The following FHIT variants were observed in gnomAD, a reference collection of about 807,000 sequenced individuals.
FHIT encodes the protein bis(5'-adenosyl)-triphosphatase.
Under a neutral mutation model 17.9 loss-of-function variants are expected in FHIT, and 19 were observed. The ratio of observed to expected loss-of-function variants is 1.06; its 90% CI spans 0.74 to 1.56. FHIT has a LOEUF of 1.56. Ranked by LOEUF, FHIT falls within the 40% of genes most tolerant of loss-of-function variation. The pLI is 0.00. For missense variants in FHIT, 248 were observed against 189.2 expected, an observed-to-expected ratio of 1.31 and a Z score of -1.82; for synonymous variants, 81 against 69.7, an observed-to-expected ratio of 1.16 and a Z score of -0.81.
intron 5 of FHIT, among the ~76,000 whole-genome samples, chr3:60,259,822 G>A (rs529621084): frequency 2.6e-5 from 4 of 152,034 alleles, no homozygotes; most frequent in African/African-American, 4.8e-5. Context: ...GGAATCCAGA[G>A]TGAGGTGGAG....
At chr3:60,389,093 C>G (rs1283535422) in intron 5 of FHIT, among the ~76,000 whole-genome samples, 1 of 152,196 alleles carries the variant, frequency 6.6e-6, no homozygotes, top group African/African-American at 2.4e-5. Context: ...CTCAATTTAG[C>G]AATGCATTTG....
intron 4 of FHIT, among the ~76,000 whole-genome samples, chr3:60,688,012 T>A (rs1426724949): frequency 6.6e-6 from 1 of 152,170 alleles, no homozygotes; most frequent in African/African-American, 2.4e-5. Context: ...TCTTGTCCAT[T>A]CTATTGTTCT....
At chr3:61,149,858 A>C (rs1487537527) in intron 2 of FHIT, among the ~76,000 whole-genome samples, 1 of 152,038 alleles carries the variant, frequency 6.6e-6, no homozygotes, top group Non-Finnish European at 1.5e-5. Flanking sequence ...GCAGCCTGAG[A>C]CCCTATCTCA....
chr3:59,824,283 G>T (rs1254684576), intron 8 of FHIT, among the ~76,000 whole-genome samples: 1 of 152,098 alleles, frequency 6.6e-6, no homozygotes, highest in East Asian at 1.9e-4. Flanking sequence ...AGAAGGAAAG[G>T]GGTAAAAAAG....
At chr3:60,907,346 A>G (rs1415589810) in intron 3 of FHIT, among the ~76,000 whole-genome samples, 2 of 152,240 alleles carry the variant, frequency 1.3e-5, no homozygotes, top group Non-Finnish European at 2.9e-5. Flanking sequence ...CTGGGTCGGA[A>G]TCTTCAAAAA....
intron 5 of FHIT, among the ~76,000 whole-genome samples, chr3:60,367,575 C>T (rs910609222): frequency 2.6e-5 from 4 of 152,092 alleles, no homozygotes; most frequent in African/African-American, 9.7e-5. Context: ...ACACTTGATG[C>T]CTTTATGAAC....
At chr3:59,842,954 T>C (rs1701586455) in intron 8 of FHIT, among the ~76,000 whole-genome samples, 2 of 152,218 alleles carry the variant, frequency 1.3e-5, no homozygotes, top group African/African-American at 4.8e-5. Flanking sequence ...CCCGTGTCTC[T>C]GGTGTCATAT....
At chr3:60,520,817 A>C (rs540240238) in intron 5 of FHIT, among the ~76,000 whole-genome samples, 2 of 152,190 alleles carry the variant, frequency 1.3e-5, no homozygotes, top group South Asian at 4.2e-4. Context: ...TTAATTTAAA[A>C]CCACTATGGC....
chr3:59,817,307 C>T (rs1246831445), intron 8 of FHIT, among the ~76,000 whole-genome samples: 4 of 152,148 alleles, frequency 2.6e-5, no homozygotes. Context: ...GGCAAAAGAA[C>T]ATGCTCACAT....
chr3:60,295,499 A>G (rs1480270821), intron 5 of FHIT, among the ~76,000 whole-genome samples: 1 of 151,990 alleles, frequency 6.6e-6, no homozygotes, highest in Non-Finnish European at 1.5e-5. Flanking sequence ...TTTTTGAGCA[A>G]CCAGCTCTCA....
intron 1 of FHIT, among the ~76,000 whole-genome samples, chr3:61,228,037 A>G (rs773115418): frequency 3.9e-5 from 6 of 152,190 alleles, no homozygotes; most frequent in Non-Finnish European, 8.8e-5. Flanking sequence ...CACAATCTAC[A>G]GCTACTTTAA....
chr3:60,479,888 T>C (rs1432414008), intron 5 of FHIT, among the ~76,000 whole-genome samples: 1 of 152,210 alleles, frequency 6.6e-6, no homozygotes, highest in Non-Finnish European at 1.5e-5. Context: ...TTGTCTTCCA[T>C]GAAACCAGTC....
At chr3:59,764,343 G>A (rs12152416) in intron 8 of FHIT, among the ~76,000 whole-genome samples, 19,578 of 152,138 alleles carry the variant, frequency 0.13, 1,323 homozygotes, top group South Asian at 0.24. Flanking sequence ...TCATATGCTG[G>A]CAGATGAAAA....
At chr3:60,388,978 A>T (rs1178526900) in intron 5 of FHIT, among the ~76,000 whole-genome samples, 1 of 152,128 alleles carries the variant, frequency 6.6e-6, no homozygotes, top group Non-Finnish European at 1.5e-5. Flanking sequence ...TCCCTCCAGC[A>T]CCACCCTGCC....
chr3:60,420,668 T>C (rs940208159), intron 5 of FHIT, among the ~76,000 whole-genome samples: 6 of 152,170 alleles, frequency 3.9e-5, no homozygotes, highest in African/African-American at 1.4e-4. Flanking sequence ...TCTGGCAAAC[T>C]GCTCATTCAT....
chr3:60,501,871 C>G (rs1398991119), intron 5 of FHIT, among the ~76,000 whole-genome samples: 1 of 152,208 alleles, frequency 6.6e-6, no homozygotes, highest in African/African-American at 2.4e-5. Context: ...ATTACGCACT[C>G]AGTACTTGTA....
chr3:60,578,008 C>T (rs1411560134), intron 4 of FHIT, among the ~76,000 whole-genome samples: 1 of 152,116 alleles, frequency 6.6e-6, no homozygotes, highest in Non-Finnish European at 1.5e-5. Flanking sequence ...TGTGTAGCTC[C>T]AGCCCAGCAT....
intron 7 of FHIT, among the ~76,000 whole-genome samples, chr3:60,002,769 T>C (rs1439194723): frequency 6.6e-6 from 1 of 152,316 alleles, no homozygotes; most frequent in East Asian, 1.9e-4. Context: ...TTAATGACTT[T>C]GGCATAAAGG....
At position 59,986,738 on chromosome 3, in the gene FHIT, A is replaced by AAATATATT. The variant is rs1708964289; in HGVS notation, c.279+24632_279+24633insAATATATT. On this transcript the variant is annotated intron_variant, in intron 7 of 9. Coordinates refer to ENST00000492590, the MANE Select transcript of FHIT (RefSeq NM_002012.4). ...TATACATATATTTATATAAATATAT[A>AAATATATT]CATATATTTATATATATATAAATAT... Among the ~76,000 whole-genome samples the AAATATATT allele has an allele frequency of 2.2e-3, 4 of 1,846 alleles. 2 individuals carry two copies. Among genetic ancestry groups the AAATATATT allele is most frequent in the Non-Finnish European group, 3.7e-3 (4 of 1,092 alleles). The allele number at this position is 1,846 out of a possible 152,430, so 1.2% of individuals were successfully genotyped here. A position where few individuals can be genotyped will look rare whatever the true frequency, so the allele number is the denominator to read the frequency against.
Sources: allele counts gnomAD v4.1 joint callset (sites outside exome capture counted in the v4.1 genomes callset), GRCh38; gene constraint gnomAD v4.1.1; transcripts MANE v1.5; gene names NCBI Gene and HGNC (gene_info 2026-07-23, HGNC 2026-07-21).